EPHB1: variants seen among roughly 807,000 people sequenced by gnomAD.
EPHB1 encodes ephrin type-B receptor 1.
In EPHB1, 30 loss-of-function variants were observed where a neutral mutation model predicts 94.4. The ratio of observed to expected loss-of-function variants is 0.32; its 90% CI spans 0.24 to 0.43. The LOEUF (loss-of-function observed/expected upper bound fraction) is 0.43, where lower values mean the gene tolerates loss of function less well. EPHB1 is among the 20% of genes least tolerant of loss of function. The pLI is 1.00. For missense variants in EPHB1, 1,055 were observed against 1,308.3 expected, an observed-to-expected ratio of 0.81 and a Z score of 2.99; for synonymous variants, 522 against 489.1, an observed-to-expected ratio of 1.07 and a Z score of -0.89.
chr3:135,033,788 G>A lies in EPHB1; in HGVS notation c.806-72660G>A, dbSNP rs189567132. ...CCAGGAAATGAAGACTAATACGTTA[G>A]CTCTTTTCGTATTGCATGGAGAAGG... is the stretch of plus-strand genomic sequence containing the variant. On this transcript the variant is annotated intron_variant, in intron 3 of 15. Transcript: ENST00000398015. 3.9e-3 allele frequency among the ~76,000 whole-genome samples: 599 copies of A among 152,306 alleles called. 4 individuals are homozygous for A. The highest frequency in any genetic ancestry group is 5.3e-3 in the Non-Finnish European group (362 of 68,030).
At chr3:134,978,078 G>T in intron 3 of EPHB1, 7 of 432,888 alleles carry the variant, frequency 1.6e-5, no homozygotes, top group South Asian at 1.2e-4. Context: ...GAGGAAGCAG[G>T]TGACTTGCTT....
At chr3:134,853,752 A>G (rs1042078992) in intron 1 of EPHB1, among the ~76,000 whole-genome samples, 9 of 152,158 alleles carry the variant, frequency 5.9e-5, no homozygotes, top group Admixed American at 3.9e-4. Context: ...CCCTTCCTGT[A>G]TGGATGGAGA....
chr3:135,039,844 CCAGCCCAGAAA>C (rs1332008713), intron 3 of EPHB1, among the ~76,000 whole-genome samples: 1 of 152,220 alleles, frequency 6.6e-6, no homozygotes, highest in Non-Finnish European at 1.5e-5. Flanking sequence ...CCAGCCTTGG[CCAGCCCAGAAA>C]GGGGCTCCCA....
chr3:134,895,818 G>A (rs2038075804), intron 1 of EPHB1, among the ~76,000 whole-genome samples: 1 of 152,188 alleles, frequency 6.6e-6, no homozygotes, highest in Non-Finnish European at 1.5e-5. Flanking sequence ...AGGATGGACA[G>A]GGTGAAGGAG....
intron 1 of EPHB1, among the ~76,000 whole-genome samples, chr3:134,804,489 G>A: frequency 6.6e-6 from 1 of 152,118 alleles, no homozygotes; most frequent in East Asian, 1.9e-4. Context: ...TCTAGATATT[G>A]TCTTTGATAA....
chr3:135,106,427 C>T (rs375467924), intron 3 of EPHB1, 21 bp from the exon 4 acceptor site: 1 of 1,613,296 alleles, frequency 6.2e-7, no homozygotes, highest in Non-Finnish European at 8.5e-7. Flanking sequence ...TTAATTATCA[C>T]ATGGTCTCTT....
At chr3:135,239,732 TCTC>T (rs1430913893) in intron 12 of EPHB1, among the ~76,000 whole-genome samples, 1 of 152,148 alleles carries the variant, frequency 6.6e-6, no homozygotes, top group Non-Finnish European at 1.5e-5. Context: ...TCCCATTACT[TCTC>T]CTTCAGGAAC....
intron 1 of EPHB1, among the ~76,000 whole-genome samples, chr3:134,909,652 G>A (rs75612496): frequency 0.02 from 3,010 of 152,280 alleles, 44 homozygotes; most frequent in South Asian, 0.037. Context: ...TCTCAGTTCA[G>A]AAGGAAGAGA....
intron 2 of EPHB1, among the ~76,000 whole-genome samples, chr3:134,950,514 G>A (rs1932985117): frequency 6.6e-6 from 1 of 152,224 alleles, no homozygotes; most frequent in African/African-American, 2.4e-5. Flanking sequence ...GGCTGAACAT[G>A]AAGCATAGTG....
At chr3:135,230,153 G>A (rs968161236) in intron 12 of EPHB1, among the ~76,000 whole-genome samples, 6 of 152,158 alleles carry the variant, frequency 3.9e-5, no homozygotes, top group South Asian at 4.1e-4. Flanking sequence ...AACACTGGAC[G>A]TGGCCTGGAA....
intron 3 of EPHB1, among the ~76,000 whole-genome samples, chr3:135,003,875 C>T (rs145732541): frequency 2.4e-4 from 36 of 151,136 alleles, no homozygotes; most frequent in African/African-American, 8.6e-4. Flanking sequence ...GATGGGTTTC[C>T]TGATACAGCA....
chr3:135,106,429 TG>T lies in EPHB1; in HGVS notation c.806-17del. The T allele has an allele frequency of 6.2e-7, 1 of 1,613,310 alleles. No individual in the cohort carries two copies. Among genetic ancestry groups the T allele is most frequent in the Non-Finnish European group, 8.5e-7 (1 of 1,179,328 alleles). On this transcript the variant is annotated intron_variant, in intron 3 of 15. Transcript: ENST00000398015. The stretch of plus-strand genomic sequence containing the variant: ...TGCCACACTTCCATTAATTATCACA[TG>T]GTCTCTTTGTGTTCTAGCTTGCCCT...
intron 1 of EPHB1, among the ~76,000 whole-genome samples, chr3:134,847,737 A>G (rs954621300): frequency 1.3e-5 from 2 of 152,188 alleles, no homozygotes; most frequent in African/African-American, 2.4e-5. Context: ...TCAGTGTTCC[A>G]TATTTTCCAG....
Position 135,257,254 on chromosome 3 carries a change from T to A in EPHB1, c.2847-1758T>A, listed in dbSNP as rs375701712. 2.3e-4 allele frequency among the ~76,000 whole-genome samples: 35 copies of A among 152,344 alleles called. No individual in the cohort carries two copies. The East Asian group carries it at 6.4e-3, about 28-fold the overall frequency. ...TCTCCATCCAGCTTTGTTCCGTTGCTGGTGAGGAACTGCGTTCCTTTGGAG... is the reference window on the plus strand; with the variant it reads ...TCTCCATCCAGCTTTGTTCCGTTGCAGGTGAGGAACTGCGTTCCTTTGGAG... On this transcript the variant is annotated intron_variant, in intron 15 of 15. Transcript: ENST00000398015.
intron 2 of EPHB1, among the ~76,000 whole-genome samples, chr3:134,933,741 C>T (rs957025906): frequency 2.6e-5 from 4 of 152,286 alleles, no homozygotes; most frequent in South Asian, 4.1e-4. Flanking sequence ...CTCTTGCCAA[C>T]AATTATGCTC....
chr3:135,248,271 G>A (rs2107731058), intron 13 of EPHB1, 45 bp from the exon 14 acceptor site: 2 of 1,472,066 alleles, frequency 1.4e-6, no homozygotes, highest in Non-Finnish European at 9.1e-7. Flanking sequence ...GTGACTGGCT[G>A]GTGGCAGTCA....
intron 3 of EPHB1, among the ~76,000 whole-genome samples, chr3:135,075,706 T>C (rs1164682659): frequency 6.6e-6 from 1 of 152,194 alleles, no homozygotes; most frequent in Non-Finnish European, 1.5e-5. Flanking sequence ...GGCAGGAGGC[T>C]ACTATCCTGC....
chr3:134,895,996 A>G (rs1226598192), intron 1 of EPHB1, among the ~76,000 whole-genome samples: 1 of 152,100 alleles, frequency 6.6e-6, no homozygotes, highest in Non-Finnish European at 1.5e-5. Flanking sequence ...GGGAGAAGCA[A>G]GGAACTAGAA....
At chr3:135,127,049 T>G (rs1379929844) in intron 4 of EPHB1, among the ~76,000 whole-genome samples, 1 of 152,242 alleles carries the variant, frequency 6.6e-6, no homozygotes, top group African/African-American at 2.4e-5. Flanking sequence ...TTAAACTCTT[T>G]AGGCATGTCA....
Sources: allele counts gnomAD v4.1 joint callset (sites outside exome capture counted in the v4.1 genomes callset), GRCh38; gene constraint gnomAD v4.1.1; transcripts MANE v1.5; gene names NCBI Gene and HGNC (gene_info 2026-07-23, HGNC 2026-07-21).